EGFL8: variants seen among roughly 807,000 people sequenced by gnomAD.
The protein encoded by EGFL8 is epidermal growth factor-like protein 8.
EGFL8 carries 32 observed loss-of-function variants against 39.4 expected under a neutral mutation model. The ratio of observed to expected loss-of-function variants is 0.81; its 90% confidence interval spans 0.61 to 1.09. The LOEUF (loss-of-function observed/expected upper bound fraction) is 1.09, where lower values mean the gene tolerates loss of function less well. EGFL8 is among the 50% of genes least tolerant of loss of function. The pLI, the probability that EGFL8 is intolerant of heterozygous loss-of-function variation, is 0.00. For synonymous variants in EGFL8, 177 were observed against 168.5 expected (o/e 1.05, Z -0.39); for missense variants, 385 against 402.2 (o/e 0.96, Z 0.37).
chr6:32,167,935 C>A lies in EGFL8; in HGVS notation c.861C>A (p.Gly287=). The A allele has an allele frequency of 4.3e-6, 7 of 1,614,208 alleles. No homozygotes were observed. The highest frequency in any genetic ancestry group is 1.3e-5 in the African/African-American group (1 of 75,046). ...GACSCEDNSL[G]LGVNHR ...GCTCCTGTGAGGACAACAGCCTGGG[C>A]CTCGGCGTCAATCATCGATAAGAAG... The change falls in exon 9 of 9, where the codon GGC becomes GGA. Residue 287 remains glycine (G), a synonymous_variant. Coordinates refer to ENST00000333845, the MANE Select transcript of EGFL8 (RefSeq NM_030652.4). This position sits in a 1 kb window ranked among gnomAD's most constrained non-coding sequence, Gnocchi z 6.4.
chr6:32,167,074 T>C lies in EGFL8; in HGVS notation c.431-13T>C, dbSNP rs1406248455. ...GCCCCCTCTCTCAGCCCCTTCCTTTTTTCGGTAACTAGACGTGGATGAATG... is the reference window on the plus strand; with the variant it reads ...GCCCCCTCTCTCAGCCCCTTCCTTTCTTCGGTAACTAGACGTGGATGAATG... On this transcript the variant is annotated splice_polypyrimidine_tract_variant and intron_variant, in intron 5 of 8. Transcript: ENST00000333845. This position sits in a 1 kb window ranked among gnomAD's most constrained non-coding sequence, Gnocchi z 6.4. The C allele has an allele frequency of 6.2e-7, 1 of 1,613,056 alleles. No individual in the cohort carries two copies. Among genetic ancestry groups the C allele is most frequent in the African/African-American group, 1.3e-5 (1 of 75,046 alleles).
chr6:32,166,264 G>A lies in EGFL8; in HGVS notation c.99G>A (p.Glu33=), dbSNP rs763363575. 2 of 1,614,032 alleles carry A rather than the reference G, an allele frequency of 1.2e-6. No homozygotes were observed. Among genetic ancestry groups the A allele is most frequent in the Admixed American group, 3.3e-5 (2 of 60,014 alleles). Reference sequence around the variant, plus strand: ...GGGCCAAGGGTGGATCCCTCAGAGAGAGGTGACAACAGAGGGGGTAGGGCC... The same window carrying A: ...GGGCCAAGGGTGGATCCCTCAGAGAAAGGTGACAACAGAGGGGGTAGGGCC... ...GEGAKGGSLR[E]SQGVCSKQTL... Residue 33 remains glutamate (E), a splice_region_variant and synonymous_variant, in exon 2 of 9, where the codon GAG becomes GAA. Transcript: ENST00000333845. The surrounding 1 kb of genome is among the most constrained non-coding windows in gnomAD (Gnocchi z 7.3).
rs757496939 is a variant in EGFL8, at chr6:32,166,882, G to A, written c.335-28G>A. 6.3e-7 allele frequency: 1 copy of A among 1,597,984 alleles called. No individual in the cohort carries two copies. The highest frequency in any genetic ancestry group is 8.5e-7 in the Non-Finnish European group (1 of 1,170,564). ...CTGGGGAGCTGGGTCGTCGGTTTGA[G>A]TCTGAACCCCACTTCCTCTGTCCTC... On this transcript the variant is annotated intron_variant, in intron 4 of 8. Transcript: ENST00000333845. The surrounding 1 kb of genome is among the most constrained non-coding windows in gnomAD (Gnocchi z 7.3).
chr6:32,167,033 C>T lies in EGFL8; in HGVS notation c.430+28C>T. 4.3e-6 allele frequency: 7 copies of T among 1,612,934 alleles called. No homozygotes were observed. The highest frequency in any genetic ancestry group is 2.5e-6 in the Non-Finnish European group (3 of 1,179,920). On this transcript the variant is annotated intron_variant, in intron 5 of 8. Coordinates refer to ENST00000333845, the MANE Select transcript of EGFL8 (RefSeq NM_030652.4). This position sits in a 1 kb window ranked among gnomAD's most constrained non-coding sequence, Gnocchi z 6.4. ...GAGTCAGCTTGTCCTCCCCACCTAC[C>T]CAGGTGCTTGCCCCCGCCCCCTCTC...
intron 1 of EGFL8, chr6:32,165,709 G>A (rs1784430496): frequency 5.1e-6 from 1 of 194,836 alleles, no homozygotes. Context: ...ACTTGAACCT[G>A]GGGGGCGGAG....
In EGFL8 at chr6:32,168,112, G is replaced by A. The variant is rs962622184; in HGVS notation, c.*156G>A. On this transcript the variant is annotated 3_prime_UTR_variant, in exon 9 of 9. Transcript: ENST00000333845. This position sits in a 1 kb window ranked among gnomAD's most constrained non-coding sequence, Gnocchi z 4.5. The stretch of plus-strand genomic sequence containing the variant: ...GAGAGCTGAAGAAAGGGGGAGGCCT[G>A]TGTTCTTGGCCTGCCCCTGAGTCTT... 2.5e-5 allele frequency: 19 copies of A among 774,196 alleles called. No homozygotes were observed. The highest frequency in any genetic ancestry group is 4.0e-5 in the Non-Finnish European group (19 of 475,354). The allele number at this position is 774,196 out of a possible 1,614,324, so 48.0% of individuals were successfully genotyped here.
At position 32,167,120 on chromosome 6, in the gene EGFL8, G is replaced by A. The variant is rs779336260; in HGVS notation, c.464G>A (p.Cys155Tyr). 6.2e-7 allele frequency: 1 copy of A among 1,613,054 alleles called. No homozygotes were observed. The highest frequency in any genetic ancestry group is 8.5e-7 in the Non-Finnish European group (1 of 1,180,034). ...GAATGTAGGACCAGCATCACCCTCTGCTCGCACCATTGTTTTAATACGGCA... is the reference window on the plus strand; with the variant it reads ...GAATGTAGGACCAGCATCACCCTCTACTCGCACCATTGTTTTAATACGGCA... ...VDECRTSITLCSHHCFNTAGS... is the reference protein window; with the variant it reads ...VDECRTSITLYSHHCFNTAGS... Residue 155 changes from cysteine (C) to tyrosine (Y), a missense_variant, in exon 6 of 9, where the codon TGC (cysteine) becomes TAC (tyrosine). Cys to Tyr is a radical substitution (Grantham distance 194). Coordinates refer to ENST00000333845, the MANE Select transcript of EGFL8 (RefSeq NM_030652.4). The surrounding 1 kb of genome is among the most constrained non-coding windows in gnomAD (Gnocchi z 6.4).
chr6:32,166,187 T>C lies in EGFL8; in HGVS notation c.22T>C (p.Cys8Arg), dbSNP rs745481002. Residue 8 changes from cysteine (C) to arginine (R), a missense_variant, in exon 2 of 9, where the codon TGC becomes CGC. Cys to Arg is a radical substitution (Grantham distance 180). Transcript: ENST00000333845. The surrounding 1 kb of genome is among the most constrained non-coding windows in gnomAD (Gnocchi z 7.3). ...AATCATGGGGTCCAGGGCTGAGCTG[T>C]GCACTCTCTTAGGCGGATTCTCCTT... MGSRAEL[C>R]TLLGGFSFLL... 4 of 1,614,096 alleles carry C rather than the reference T, an allele frequency of 2.5e-6. No homozygotes were observed. The highest frequency in any genetic ancestry group is 3.4e-6 in the Non-Finnish European group (4 of 1,180,000).
In EGFL8 at chr6:32,167,314, G is replaced by A. The variant is rs1379930084; in HGVS notation, c.602-36G>A. 2.5e-6 allele frequency: 4 copies of A among 1,612,868 alleles called. No individual in the cohort carries two copies. On this transcript the variant is annotated intron_variant, in intron 6 of 8. Transcript: ENST00000333845. The surrounding 1 kb of genome is among the most constrained non-coding windows in gnomAD (Gnocchi z 6.4). ...GACTCGGGACGGGCGTCCGGGCTCGGGTAGTGGTCACACTCTTGGTCTCCT... is the reference window on the plus strand; with the variant it reads ...GACTCGGGACGGGCGTCCGGGCTCGAGTAGTGGTCACACTCTTGGTCTCCT...
Position 32,167,594 on chromosome 6 carries a change from G to T in EGFL8, c.773G>T (p.Arg258Leu). 6.2e-7 allele frequency: 1 copy of T among 1,611,084 alleles called. No homozygotes were observed. The highest frequency in any genetic ancestry group is 8.5e-7 in the Non-Finnish European group (1 of 1,179,932). Reference sequence around the variant, plus strand: ...GAACAGGTGGCTGAGCTGTGGGGCCGGGGTGACCGGATCGAATCTCTCAGC... The same window carrying T: ...GAACAGGTGGCTGAGCTGTGGGGCCTGGGTGACCGGATCGAATCTCTCAGC... The part of the protein sequence containing the change: ...QPEQVAELWG[R>L]GDRIESLSDQ... The change falls in exon 8 of 9, where the codon CGG (arginine) becomes CTG (leucine). Residue 258 changes from arginine (R) to leucine (L), a missense_variant. Physicochemically the swap from Arg to Leu is moderately radical, Grantham distance 102. Transcript: ENST00000333845. The surrounding 1 kb of genome is among the most constrained non-coding windows in gnomAD (Gnocchi z 6.4).
At position 32,167,999 on chromosome 6, in the gene EGFL8, C is replaced by T. The variant is rs767483041; in HGVS notation, c.*43C>T. 1.3e-5 allele frequency: 20 copies of T among 1,596,520 alleles called. No individual in the cohort carries two copies. Among genetic ancestry groups the T allele is most frequent in the African/African-American group, 2.7e-5 (2 of 74,482 alleles). On this transcript the variant is annotated 3_prime_UTR_variant, in exon 9 of 9. Coordinates refer to ENST00000333845, the MANE Select transcript of EGFL8 (RefSeq NM_030652.4). The surrounding 1 kb of genome is among the most constrained non-coding windows in gnomAD (Gnocchi z 6.4). ...CCTGCCCCCTAATTTATACAGAAAC[C>T]GGACCCACTAATCCTCTGGGATTGG...
rs533046653 is a variant in EGFL8 at position 32,166,790 on chromosome 6, C to T, written c.314C>T (p.Pro105Leu). ...VCCQGWKKRH[P>L]GALTCEAICA... is the part of the protein sequence containing the mutation. ...TGCCAGGGCTGGAAGAAGCGGCACC[C>T]GGGGGCGCTCACCTGTGAAGGTGAG... Residue 105 changes from proline to leucine, a missense_variant, in exon 4 of 9, where the codon CCG (proline) becomes CTG (leucine). Coordinates refer to ENST00000333845, the MANE Select transcript of EGFL8 (RefSeq NM_030652.4). The surrounding 1 kb of genome is among the most constrained non-coding windows in gnomAD (Gnocchi z 7.3). 3.6e-5 allele frequency: 56 copies of T among 1,569,998 alleles called. 1 individual carries two copies. The South Asian group carries it at 5.3e-4, about 15-fold the overall frequency.
Position 32,166,872 on chromosome 6 carries a change from G to A in EGFL8, c.335-38G>A, listed in dbSNP as rs752801440. The stretch of plus-strand genomic sequence containing the variant: ...CCCCACGGAGCTGGGGAGCTGGGTC[G>A]TCGGTTTGAGTCTGAACCCCACTTC... On this transcript the variant is annotated intron_variant, in intron 4 of 8. Coordinates refer to ENST00000333845, the MANE Select transcript of EGFL8 (RefSeq NM_030652.4). The surrounding 1 kb of genome is among the most constrained non-coding windows in gnomAD (Gnocchi z 7.3). 13 of 1,589,364 alleles carry A rather than the reference G, an allele frequency of 8.2e-6. No homozygotes were observed. In the Admixed American group the frequency reaches 8.7e-5, roughly 11 times the overall value.
At chr6:32,165,798 C>CAAA (rs377453238) in intron 1 of EGFL8, 3 of 363,984 alleles carry the variant, frequency 8.2e-6, no homozygotes, top group African/African-American at 4.1e-5. Context: ...AAAACAAAAA[C>CAAA]AAAAAAAAAC....
At position 32,168,102 on chromosome 6, in the gene EGFL8, G is replaced by C. The variant is rs1784712359; in HGVS notation, c.*146G>C. The C allele has an allele frequency of 1.2e-6, 1 of 849,888 alleles. No homozygotes were observed. The highest frequency in any genetic ancestry group is 1.9e-6 in the Non-Finnish European group (1 of 535,030). The allele number at this position is 849,888 out of a possible 1,614,324, so 52.6% of individuals were successfully genotyped here. ...GGAAACTTCAGAGAGCTGAAGAAAGGGGGAGGCCTGTGTTCTTGGCCTGCC... is the reference window on the plus strand; with the variant it reads ...GGAAACTTCAGAGAGCTGAAGAAAGCGGGAGGCCTGTGTTCTTGGCCTGCC... On this transcript the variant is annotated 3_prime_UTR_variant, in exon 9 of 9. Transcript: ENST00000333845. This position sits in a 1 kb window ranked among gnomAD's most constrained non-coding sequence, Gnocchi z 4.5.
rs895040348 is a variant in EGFL8, at chr6:32,167,815, CCAGCCCAACAGTTT to C, written c.836-92_836-79del. 12 of 1,545,546 alleles carry C rather than the reference CCAGCCCAACAGTTT, an allele frequency of 7.8e-6. No individual in the cohort carries two copies. In the African/African-American group the frequency reaches 1.6e-4, roughly 21 times the overall value. ...ATCGTTCTCTTCTGAAATCCTGTCC[CCAGCCCAACAGTTT>C]CACTTATTGTTTGGTGAGAGTGGCA... On this transcript the variant is annotated intron_variant, in intron 8 of 8. Coordinates refer to ENST00000333845, the MANE Select transcript of EGFL8 (RefSeq NM_030652.4). The surrounding 1 kb of genome is among the most constrained non-coding windows in gnomAD (Gnocchi z 6.4).
Position 32,167,043 on chromosome 6 carries a change from G to GCC in EGFL8, c.431-40_431-39dup, listed in dbSNP as rs1181176412. ...GTCCTCCCCACCTACCCAGGTGCTT[G>GCC]CCCCCGCCCCCTCTCTCAGCCCCTT... On this transcript the variant is annotated intron_variant, in intron 5 of 8. Transcript: ENST00000333845. The surrounding 1 kb of genome is among the most constrained non-coding windows in gnomAD (Gnocchi z 6.4). The GCC allele has an allele frequency of 6.2e-7, 1 of 1,612,826 alleles. No homozygotes were observed. Among genetic ancestry groups the GCC allele is most frequent in the East Asian group, 2.2e-5 (1 of 44,890 alleles).
At position 32,167,655 on chromosome 6, in the gene EGFL8, CTG is replaced by C; in HGVS notation, c.835+2_835+3del. The C allele has an allele frequency of 6.2e-7, 1 of 1,603,588 alleles. No homozygotes were observed. The highest frequency in any genetic ancestry group is 8.5e-7 in the Non-Finnish European group (1 of 1,175,874). On this transcript the variant is annotated splice_donor_variant and coding_sequence_variant, in exon 8 of 9. Transcript: ENST00000333845. LOFTEE classifies it high-confidence loss of function. This position sits in a 1 kb window ranked among gnomAD's most constrained non-coding sequence, Gnocchi z 6.4. Reference sequence around the variant, plus strand: ...TGCTGCTGGAGGAGAGGCTAGGTGCCTGTGAGTCCTCACACTCCTCCCGCCTT... The same window carrying C: ...TGCTGCTGGAGGAGAGGCTAGGTGCCTGAGTCCTCACACTCCTCCCGCCTT...
rs1582650430 is a variant in EGFL8, at chr6:32,168,091, G to A, written c.*135G>A. ...CAATGAACAATGGAAACTTCAGAGA[G>A]CTGAAGAAAGGGGGAGGCCTGTGTT... On this transcript the variant is annotated 3_prime_UTR_variant, in exon 9 of 9. Transcript: ENST00000333845. This position sits in a 1 kb window ranked among gnomAD's most constrained non-coding sequence, Gnocchi z 4.5. 3 of 937,690 alleles carry A rather than the reference G, an allele frequency of 3.2e-6. No homozygotes were observed. The highest frequency in any genetic ancestry group is 2.2e-5 in the Admixed American group (1 of 45,202). 58.1% of individuals were successfully genotyped at this position (937,690 alleles called of 1,614,324 possible).
Sources: allele counts gnomAD v4.1 joint callset, GRCh38; gene constraint gnomAD v4.1.1; non-coding constraint Gnocchi (gnomAD v3.1); transcripts MANE v1.5; gene names NCBI Gene and HGNC (gene_info 2026-07-23, HGNC 2026-07-21).